Variants in TET2 observed in about 807,000 individuals in gnomAD.
TET2 encodes methylcytosine dioxygenase TET2.
In TET2, 299 loss-of-function variants were observed where a neutral mutation model predicts 142.9. That is an observed-to-expected ratio of 2.09 (90% CI 1.90 to 2.30). The LOEUF is 2.30. Ranked by LOEUF, TET2 falls within the 30% of genes most tolerant of loss-of-function variation. TET2 has a pLI of 0.00. For synonymous variants in TET2, 819 were observed against 849.0 expected (o/e 0.96, Z 0.61); for missense variants, 2,418 against 2,378.0 (o/e 1.02, Z -0.35).
chr4:105,208,638 CAGCTTTACTTACT>C, intron 2 of TET2, among the ~76,000 whole-genome samples: 1 of 152,198 alleles, frequency 6.6e-6, no homozygotes, highest in South Asian at 2.1e-4. Context: ...TGAGCATGCG[CAGCTTTACTTACT>C]AGCTTATAGC....
chr4:105,181,809 T>C (rs937179566), intron 1 of TET2, among the ~76,000 whole-genome samples: 3 of 152,178 alleles, frequency 2.0e-5, no homozygotes, highest in Non-Finnish European at 4.4e-5. Context: ...GTTATAAAAA[T>C]ACTCATTTGG....
chr4:105,259,903 A>G (rs977641724), intron 7 of TET2, 134 bp downstream of exon 7: 30 of 778,388 alleles, frequency 3.9e-5, no homozygotes, highest in Middle Eastern at 4.2e-4. Context: ...GATACACACT[A>G]TTTTTTAAGT....
intron 2 of TET2, among the ~76,000 whole-genome samples, chr4:105,211,063 GA>G (rs201776990): frequency 0.014 from 2,098 of 152,230 alleles, 30 homozygotes; most frequent in Middle Eastern, 0.058. Context: ...TGTTCACTGA[GA>G]ACTAACTAGA....
chr4:105,161,904 T>C (rs1723878272), intron 1 of TET2, among the ~76,000 whole-genome samples: 1 of 152,222 alleles, frequency 6.6e-6, no homozygotes, highest in South Asian at 2.1e-4. Flanking sequence ...GTTCGTCTTT[T>C]TTCAGTTACT....
At position 105,264,371 on chromosome 4, in the gene TET2, A is replaced by G. The variant is rs137994039; in HGVS notation, c.4044+2523A>G. 2.0e-3 allele frequency among the ~76,000 whole-genome samples: 308 copies of G among 152,298 alleles called. 1 individual carries two copies. Among genetic ancestry groups the G allele is most frequent in the African/African-American group, 7.2e-3 (299 of 41,566 alleles). Reference sequence around the variant, plus strand: ...TAAAAATAAATAAATGAATGAGTCTATGTTGCTAGATTTAAAGTTGGGTCA... The same window carrying G: ...TAAAAATAAATAAATGAATGAGTCTGTGTTGCTAGATTTAAAGTTGGGTCA... On this transcript the variant is annotated intron_variant, in intron 8 of 10. Coordinates refer to ENST00000380013, the MANE Select transcript of TET2 (RefSeq NM_001127208.3).
At chr4:105,164,622 C>T (rs762080070) in intron 1 of TET2, among the ~76,000 whole-genome samples, 1 of 152,090 alleles carries the variant, frequency 6.6e-6, no homozygotes. Flanking sequence ...TTTTTTAAAG[C>T]ATAATGAGAT....
intron 1 of TET2, among the ~76,000 whole-genome samples, chr4:105,149,565 A>C (rs1249828907): frequency 1.3e-5 from 2 of 152,222 alleles, no homozygotes; most frequent in African/African-American, 4.8e-5. Context: ...GGTGCTCCAA[A>C]AATTCCATAG....
chr4:105,217,993 G>C (rs1472922224), intron 2 of TET2, among the ~76,000 whole-genome samples: 5 of 152,048 alleles, frequency 3.3e-5, no homozygotes, highest in African/African-American at 1.2e-4. Context: ...GAGTTGACTC[G>C]AGTGAAGGAA....
At chr4:105,218,991 CATTGATGT>C (rs1727656512) in intron 2 of TET2, among the ~76,000 whole-genome samples, 1 of 151,884 alleles carries the variant, frequency 6.6e-6, no homozygotes, top group Non-Finnish European at 1.5e-5. Flanking sequence ...TGTATGGGAA[CATTGATGT>C]ATTTTTCTGA....
intron 6 of TET2, among the ~76,000 whole-genome samples, chr4:105,246,576 TA>T (rs946359728): frequency 1.3e-5 from 2 of 152,208 alleles, no homozygotes; most frequent in Admixed American, 1.3e-4. Flanking sequence ...AATACATGAT[TA>T]AAATAGACAC....
intron 2 of TET2, among the ~76,000 whole-genome samples, chr4:105,215,493 G>A (rs1253128155): frequency 5.9e-5 from 9 of 152,122 alleles, no homozygotes; most frequent in African/African-American, 1.9e-4. Flanking sequence ...ATTTAAATTA[G>A]AGATGAAATA....
chr4:105,269,624 C>CA lies in TET2; in HGVS notation c.4060dup (p.Arg1354LysfsTer47). 6.4e-7 allele frequency: 1 copy of CA among 1,551,566 alleles called. No individual in the cohort carries two copies. Among genetic ancestry groups the CA allele is most frequent in the Non-Finnish European group, 8.7e-7 (1 of 1,146,914 alleles). ...TTATTTTTCAGATTGAATATGAACACAGAGCACCAGAGTGCCGTCTGGGTC... is the reference window on the plus strand; with the variant it reads ...TTATTTTTCAGATTGAATATGAACACAAGAGCACCAGAGTGCCGTCTGGGTC... On this transcript the variant is annotated frameshift_variant, in exon 9 of 11. Coordinates refer to ENST00000380013, the MANE Select transcript of TET2 (RefSeq NM_001127208.3). LOFTEE classifies it high-confidence loss of function.
At chr4:105,208,397 A>G (rs1578622647) in intron 2 of TET2, among the ~76,000 whole-genome samples, 2 of 152,098 alleles carry the variant, frequency 1.3e-5, no homozygotes, top group African/African-American at 4.8e-5. Flanking sequence ...GGACTCCCCA[A>G]CATACTCCTC....
intron 1 of TET2, among the ~76,000 whole-genome samples, chr4:105,151,109 A>G (rs1723275925): frequency 6.6e-6 from 1 of 152,116 alleles, no homozygotes; most frequent in Non-Finnish European, 1.5e-5. Flanking sequence ...ACTTGAGGCC[A>G]GGAGTTTGAA....
intron 2 of TET2, among the ~76,000 whole-genome samples, chr4:105,228,898 G>T (rs556134548): frequency 1.3e-5 from 2 of 152,134 alleles, no homozygotes; most frequent in South Asian, 2.1e-4. Context: ...TCTTTATTAG[G>T]TGTTATTGAT....
chr4:105,156,108 T>A (rs1013421626), intron 1 of TET2, among the ~76,000 whole-genome samples: 2 of 152,226 alleles, frequency 1.3e-5, no homozygotes, highest in Admixed American at 6.5e-5. Flanking sequence ...TCCATAATTT[T>A]AAAAAAGTTG....
At position 105,234,019 on chromosome 4, in the gene TET2, A is replaced by G; in HGVS notation, c.77A>G (p.Gln26Arg). ...PFLIPSPPIC[Q>R]TEPLATKLQN... ...CTGATACCATCACCTCCCATTTGCC[A>G]GACAGAACCTCTGGCTACAAAGCTC... Residue 26 changes from glutamine to arginine, a missense_variant, in exon 3 of 11, where the codon CAG becomes CGG. By Grantham distance (43) the Gln-to-Arg change is conservative (BLOSUM62 1). Transcript: ENST00000380013. 6.2e-7 allele frequency: 1 copy of G among 1,614,112 alleles called. No homozygotes were observed. The highest frequency in any genetic ancestry group is 1.6e-4 in the Middle Eastern group (1 of 6,062).
intron 3 of TET2, chr4:105,238,064 G>T: frequency 2.8e-6 from 1 of 361,312 alleles, no homozygotes; most frequent in Non-Finnish European, 4.3e-6. Context: ...GGACTTTTTG[G>T]TTTCTCACTG....
At position 105,279,539 on chromosome 4, in the gene TET2, A is replaced by ACC. The variant is rs1731363923; in HGVS notation, c.*3020_*3021insCC. ...ACAGTGATGTACAGTTCACTTCTGA[A>ACC]GCTAGTGGTTAACTTGTGTAGGAAA... On this transcript the variant is annotated 3_prime_UTR_variant, in exon 11 of 11. Transcript: ENST00000380013. 8.6e-6 allele frequency: 2 copies of ACC among 232,520 alleles called. No homozygotes were observed. The highest frequency in any genetic ancestry group is 4.4e-5 in the African/African-American group (2 of 45,310). The allele number at this position is 232,520 out of a possible 1,614,324, so 14.4% of individuals were successfully genotyped here.
Sources: gnomAD v4.1 joint callset for allele counts (sites outside exome capture counted in the v4.1 genomes callset) on GRCh38, gnomAD v4.1.1 for gene constraint, MANE v1.5 for transcripts, NCBI Gene and HGNC (gene_info 2026-07-23, HGNC 2026-07-21) for gene names.